The following PRDM1 variants were observed in gnomAD, a reference collection of about 807,000 sequenced individuals.
PRDM1 encodes PR/SET domain 1, also known as PR domain zinc finger protein 1.
A neutral mutation model predicts 62.8 loss-of-function variants in PRDM1; 13 were observed. The ratio of observed to expected loss-of-function variants is 0.21; its 90% CI spans 0.13 to 0.33. The LOEUF (loss-of-function observed/expected upper bound fraction) is 0.33. Ranked by LOEUF, PRDM1 falls within the 10% of genes least tolerant of loss-of-function variation. The pLI, the probability that PRDM1 is intolerant of heterozygous loss-of-function variation, is 1.00. For missense variants in PRDM1, 895 were observed against 1,058.8 expected (o/e 0.85, Z 2.15); for synonymous variants, 396 against 417.6 (o/e 0.95, Z 0.63).
At chr6:106,083,451 G>T (rs887109902), upstream of PRDM1, among the ~76,000 whole-genome samples, 2 of 151,910 alleles carry the variant, frequency 1.3e-5, no homozygotes, top group Admixed American at 1.3e-4. Context: ...CAGATTTGGT[G>T]CTCAATTTCC....
rs559168254 is a variant in PRDM1, at chr6:106,007,383, T to C, written c.-67+13744T>C. Among the ~76,000 whole-genome samples the C allele has an allele frequency of 2.6e-5, 4 of 151,870 alleles. No homozygotes were observed. In the South Asian group the frequency reaches 8.4e-4, roughly 32 times the overall value. On this transcript the variant is annotated intron_variant, in intron 1 of 6. Coordinates refer to the PRDM1 transcript ENST00000652320. Reference sequence around the variant, plus strand: ...AGGTGGAGGTTGCAGTGAGCCGAGATGGCGCCACTGCACTCCAGCCTGGGT... The same window carrying C: ...AGGTGGAGGTTGCAGTGAGCCGAGACGGCGCCACTGCACTCCAGCCTGGGT...
At chr6:106,092,972 G>A (rs1774004048) in intron 2 of PRDM1, among the ~76,000 whole-genome samples, 1 of 152,094 alleles carries the variant, frequency 6.6e-6, no homozygotes. Flanking sequence ...TAAAATATTA[G>A]GGCGCTCTGT....
chr6:106,067,504 A>G (rs917203466), intron 1 of PRDM1, among the ~76,000 whole-genome samples: 1 of 152,238 alleles, frequency 6.6e-6, no homozygotes, highest in African/African-American at 2.4e-5. Flanking sequence ...GTGTCCCTCA[A>G]CAGAAGAATG....
upstream of PRDM1, among the ~76,000 whole-genome samples, chr6:106,048,078 T>A (rs1272827642): frequency 1.3e-5 from 2 of 152,170 alleles, no homozygotes; most frequent in South Asian, 2.1e-4. Context: ...TTCCTTTTCC[T>A]TTTCTAGACC....
rs139636172 is a variant in PRDM1 at position 106,051,979 on chromosome 6, A to G, written c.-67+3265A>G. On this transcript the variant is annotated intron_variant, in intron 1 of 6. Coordinates refer to the PRDM1 transcript ENST00000651185. ...TCCACTTATTTGTGGTATCTGTGTC[A>G]AGTTCATAGACACAGAAAGTAGAAT... Among the ~76,000 whole-genome samples, 24 of 152,320 alleles carry G rather than the reference A, an allele frequency of 1.6e-4. No homozygotes were observed. The East Asian group carries it at 4.2e-3, about 27-fold the overall frequency.
At chr6:106,064,662 T>C (rs1050565348) in intron 1 of PRDM1, among the ~76,000 whole-genome samples, 1 of 152,154 alleles carries the variant, frequency 6.6e-6, no homozygotes, top group South Asian at 2.1e-4. Flanking sequence ...GTCCTTATGT[T>C]TCAGATGTTT....
intron 1 of PRDM1, among the ~76,000 whole-genome samples, chr6:106,063,737 C>T (rs762822529): frequency 1.3e-5 from 2 of 152,156 alleles, no homozygotes; most frequent in Non-Finnish European, 2.9e-5. Context: ...GAACAGCTGA[C>T]ATGGAGGGTA....
At chr6:106,018,755 C>T (rs1206221300) in intron 1 of PRDM1, among the ~76,000 whole-genome samples, 1 of 152,078 alleles carries the variant, frequency 6.6e-6, no homozygotes, top group Non-Finnish European at 1.5e-5. Flanking sequence ...TATATATCAA[C>T]ATGACTTATC....
rs375368419 is a variant in PRDM1 at position 105,994,245 on chromosome 6, A to G, written c.-67+606A>G. Among the ~76,000 whole-genome samples the G allele has an allele frequency of 3.3e-5, 5 of 152,132 alleles. No individual in the cohort carries two copies. In the East Asian group the frequency reaches 9.7e-4, roughly 29 times the overall value. ...CGAGGGGCGAGGTAAGACGCCGCCT[A>G]AAGAGGCCCGGGCTCTCCCCCGGGG... On this transcript the variant is annotated intron_variant, in intron 1 of 6. Coordinates refer to the PRDM1 transcript ENST00000652320. The surrounding 1 kb of genome is among the most constrained non-coding windows in gnomAD (Gnocchi z 4.1).
chr6:106,041,543 T>C (rs1772994153), intron 1 of PRDM1, among the ~76,000 whole-genome samples: 1 of 152,144 alleles, frequency 6.6e-6, no homozygotes, highest in African/African-American at 2.4e-5. Flanking sequence ...AAAAATTAAA[T>C]AAAACCATCA....
chr6:106,037,163 C>T (rs1387469092), intron 1 of PRDM1, among the ~76,000 whole-genome samples: 1 of 152,106 alleles, frequency 6.6e-6, no homozygotes, highest in Non-Finnish European at 1.5e-5. Flanking sequence ...ATATAGGATT[C>T]TTGGCTGAGG....
rs1269745845 is a variant in PRDM1 at position 106,105,840 on chromosome 6, G to C, written c.1680G>C (p.Lys560Asn). The change falls in exon 5 of 7, where the codon AAG becomes AAC. Residue 560 changes from lysine to asparagine, a missense_variant. Lys to Asn is a moderately conservative substitution (Grantham distance 94, BLOSUM62 0). Coordinates refer to ENST00000369096, the MANE Select transcript of PRDM1 (RefSeq NM_001198.4). ...IKNKRNMTGY[K>N]TLPYPLKKQN... ...ACAAAAGAAACATGACCGGCTACAA[G>C]ACCCTTCCCTACCCGCTGAAGAAGC... The C allele has an allele frequency of 6.2e-7, 1 of 1,614,204 alleles. No homozygotes were observed. The highest frequency in any genetic ancestry group is 8.5e-7 in the Non-Finnish European group (1 of 1,180,036).
rs758419241 is a variant in PRDM1 at position 106,105,825 on chromosome 6, C to T, written c.1665C>T (p.Asn555=). 2 of 1,614,112 alleles carry T rather than the reference C, an allele frequency of 1.2e-6. No individual in the cohort carries two copies. The highest frequency in any genetic ancestry group is 1.7e-6 in the Non-Finnish European group (2 of 1,180,056). ...EAMNLIKNKR[N]MTGYKTLPYP... Reference sequence around the variant, plus strand: ...TGAATCTCATTAAAAACAAAAGAAACATGACCGGCTACAAGACCCTTCCCT... The same window carrying T: ...TGAATCTCATTAAAAACAAAAGAAATATGACCGGCTACAAGACCCTTCCCT... Residue 555 remains asparagine (N), a synonymous_variant, in exon 5 of 7, where the codon AAC becomes AAT. Transcript: ENST00000369096.
chr6:106,028,754 C>T (rs1772798470), intron 1 of PRDM1, among the ~76,000 whole-genome samples: 1 of 152,018 alleles, frequency 6.6e-6, no homozygotes, highest in Non-Finnish European at 1.5e-5. Context: ...AACCCCCACC[C>T]CCGAAGTTTT....
At chr6:106,091,641 G>A (rs1376537704) in intron 2 of PRDM1, among the ~76,000 whole-genome samples, 2 of 152,120 alleles carry the variant, frequency 1.3e-5, no homozygotes, top group East Asian at 3.9e-4. Context: ...TTAGCCGGGC[G>A]TGGTGGTGGG....
upstream of PRDM1, among the ~76,000 whole-genome samples, chr6:106,044,239 G>T (rs1582436449): frequency 8.8e-6 from 1 of 113,856 alleles, no homozygotes; most frequent in Non-Finnish European, 1.7e-5. Context: ...AAATTCTGTT[G>T]CTAACATTCT....
At chr6:106,066,427 A>G (rs1210984722) in intron 1 of PRDM1, among the ~76,000 whole-genome samples, 1 of 152,220 alleles carries the variant, frequency 6.6e-6, no homozygotes, top group African/African-American at 2.4e-5. Flanking sequence ...TTAAAATAAG[A>G]TTTTAATCAA....
intron 3 of PRDM1, among the ~76,000 whole-genome samples, chr6:106,097,660 A>G (rs1774147199): frequency 1.3e-5 from 2 of 152,192 alleles, no homozygotes; most frequent in Non-Finnish European, 2.9e-5. Flanking sequence ...CATATGCGTT[A>G]TTTTATTCTG....
Position 106,105,167 on chromosome 6 carries a change from G to T in PRDM1, c.1007G>T (p.Ser336Ile). ...CCCATTCCATCCTCCACCACTCCAAGCCCCTCTGCAAGAAGCAGCCCCGAC... is the reference window on the plus strand; with the variant it reads ...CCCATTCCATCCTCCACCACTCCAATCCCCTCTGCAAGAAGCAGCCCCGAC... ...RSPIPSSTTP[S>I]PSARSSPDQS... The change falls in exon 5 of 7, where the codon AGC becomes ATC. Residue 336 changes from serine (S) to isoleucine (I), a missense_variant. Around this residue, in one of 4 missense-constraint regions of PRDM1, gnomAD observed 444 missense variants for 422.7 expected, o/e 1.05. Transcript: ENST00000369096. 1 of 1,612,996 alleles carries T rather than the reference G, an allele frequency of 6.2e-7. No homozygotes were observed. The highest frequency in any genetic ancestry group is 8.5e-7 in the Non-Finnish European group (1 of 1,179,654).
Sources: allele counts gnomAD v4.1 joint callset (sites outside exome capture counted in the v4.1 genomes callset), GRCh38; gene constraint gnomAD v4.1.1; regional missense constraint gnomAD v4.1.1; non-coding constraint Gnocchi (gnomAD v3.1); transcripts MANE v1.5; gene names NCBI Gene and HGNC (gene_info 2026-07-23, HGNC 2026-07-21).